FAM107A: variants seen among roughly 807,000 people sequenced by gnomAD.
FAM107A encodes actin-associated protein FAM107A.
FAM107A carries 19 observed loss-of-function variants against 13.7 expected under a neutral mutation model. The ratio of observed to expected loss-of-function variants is 1.38; its 90% CI spans 0.97 to 2.03. FAM107A has a LOEUF of 2.03. Ranked by LOEUF, FAM107A falls within the 30% of genes most tolerant of loss-of-function variation. The pLI, the probability that FAM107A is intolerant of heterozygous loss-of-function variation, is 0.00. For missense variants in FAM107A, 203 were observed against 184.4 expected (o/e 1.10, Z -0.58); for synonymous variants, 82 against 74.5 (o/e 1.10, Z -0.52).
chr3:58,597,199 T>C (rs1408685820), intron 1 of FAM107A, among the ~76,000 whole-genome samples: 1 of 152,270 alleles, frequency 6.6e-6, no homozygotes, highest in Non-Finnish European at 1.5e-5. Flanking sequence ...TGCTCATTTC[T>C]GTTGGGCAGA....
rs1313782440 is a variant in FAM107A, at chr3:58,604,198, G to C, written c.-69-14929C>G. Reference sequence around the variant, plus strand: ...CTCTCGGTGGAGCTGGTTGCTAGGAGACATTTCTCAAGAAAGGTTCCTTTG... The same window carrying C: ...CTCTCGGTGGAGCTGGTTGCTAGGACACATTTCTCAAGAAAGGTTCCTTTG... On this transcript the variant is annotated intron_variant, in intron 1 of 3. Coordinates refer to the FAM107A transcript ENST00000465970. The surrounding 1 kb of genome is among the most constrained non-coding windows in gnomAD (Gnocchi z 4.1). Among the ~76,000 whole-genome samples, 1 of 138,254 alleles carries C rather than the reference G, an allele frequency of 7.2e-6. No individual in the cohort carries two copies. The highest frequency in any genetic ancestry group is 2.4e-4 in the South Asian group (1 of 4,084). 90.7% of individuals were successfully genotyped at this position (138,254 alleles called of 152,430 possible).
chr3:58,606,337 C>G (rs192343880), intron 1 of FAM107A, among the ~76,000 whole-genome samples: 3 of 152,326 alleles, frequency 2.0e-5, no homozygotes, highest in South Asian at 2.1e-4. Flanking sequence ...CTCAAGTGAT[C>G]CACCTGCCTT....
rs760202284 is a variant in FAM107A at position 58,604,228 on chromosome 3, A to G, written c.-69-14959T>C. On this transcript the variant is annotated intron_variant, in intron 1 of 3. Coordinates refer to the FAM107A transcript ENST00000465970. The surrounding 1 kb of genome is among the most constrained non-coding windows in gnomAD (Gnocchi z 4.1). ...TTCTCAAGAAAGGTTCCTTTGGAAA[A>G]TGAGCTCAGTCTCTGCCCACAATTC... 1.1e-3 allele frequency among the ~76,000 whole-genome samples: 172 copies of G among 151,926 alleles called. No homozygotes were observed. The highest frequency in any genetic ancestry group is 1.6e-3 in the Non-Finnish European group (111 of 67,992).
rs369798829 is a variant in FAM107A, at chr3:58,615,499, T to C, written c.-70+11917A>G. Among the ~76,000 whole-genome samples the C allele has an allele frequency of 3.9e-5, 6 of 152,330 alleles. No homozygotes were observed. In the South Asian group the frequency reaches 1.2e-3, roughly 32 times the overall value. On this transcript the variant is annotated intron_variant, in intron 1 of 3. Transcript: ENST00000465970. ...CAACATGCTGATGGGGAAAGCTAGA[T>C]TTGAGACAGTTAAATAACCAAAGAA...
At chr3:58,575,072 G>A (rs538709062) in intron 1 of FAM107A, among the ~76,000 whole-genome samples, 1 of 152,232 alleles carries the variant, frequency 6.6e-6, no homozygotes, top group Non-Finnish European at 1.5e-5. Flanking sequence ...TAAGGCCTCA[G>A]TGTCCCTTCC....
In FAM107A at chr3:58,567,255, A is replaced by G; in HGVS notation, c.280T>C (p.Cys94Arg). The change falls in exon 3 of 4, where the codon TGC (cysteine) becomes CGC (arginine). Residue 94 changes from cysteine to arginine, a missense_variant. Coordinates refer to ENST00000360997, the MANE Select transcript of FAM107A (RefSeq NM_001076778.3). The part of the protein sequence containing the change: ...KEELEAKRLQ[C>R]PFEQELLRRQ... ...CTCAGCAGCTCCTGCTCAAAGGGGC[A>G]CTGCAGCCGCTTGGCTTCCAGCTCC... 6.2e-7 allele frequency: 1 copy of G among 1,614,158 alleles called. No individual in the cohort carries two copies. The highest frequency in any genetic ancestry group is 1.3e-5 in the African/African-American group (1 of 75,054).
intron 1 of FAM107A, among the ~76,000 whole-genome samples, chr3:58,608,658 C>T (rs1163963858): frequency 6.6e-6 from 1 of 152,136 alleles, no homozygotes; most frequent in Non-Finnish European, 1.5e-5. Flanking sequence ...CCACAACATC[C>T]AAACTTGGCC....
At chr3:58,566,821 G>T in intron 3 of FAM107A, 126 bp from the exon 4 acceptor site, 1 of 721,944 alleles carries the variant, frequency 1.4e-6, no homozygotes, top group East Asian at 2.5e-5. Context: ...GATGAGTTTT[G>T]CTATCAGCCT....
upstream of FAM107A, among the ~76,000 whole-genome samples, chr3:58,578,879 T>A (rs954897815): frequency 3.3e-5 from 5 of 152,224 alleles, no homozygotes; most frequent in Non-Finnish European, 7.3e-5. Flanking sequence ...CAAGGCAACC[T>A]TGTGTCTTCT....
chr3:58,626,099 C>T (rs1170193443), intron 1 of FAM107A, among the ~76,000 whole-genome samples: 2 of 152,282 alleles, frequency 1.3e-5, no homozygotes, highest in East Asian at 3.9e-4. Flanking sequence ...ATCTGGGACA[C>T]GGCAGCCTGT....
At chr3:58,579,916 A>G (rs2065512055), upstream of FAM107A, among the ~76,000 whole-genome samples, 1 of 152,244 alleles carries the variant, frequency 6.6e-6, no homozygotes, top group Non-Finnish European at 1.5e-5. Context: ...TGCTAGCCCC[A>G]GGGCAGGTAC....
chr3:58,606,009 A>G (rs1378464993), intron 1 of FAM107A, among the ~76,000 whole-genome samples: 1 of 152,164 alleles, frequency 6.6e-6, no homozygotes, highest in Non-Finnish European at 1.5e-5. Flanking sequence ...TCCCAACTCC[A>G]CTGTATACCT....
intron 1 of FAM107A, among the ~76,000 whole-genome samples, chr3:58,595,527 C>T (rs977355390): frequency 9.2e-5 from 14 of 151,946 alleles, no homozygotes; most frequent in Non-Finnish European, 1.5e-5. Context: ...ATAGTCTCCC[C>T]GCCCTTGAGA....
intron 1 of FAM107A, among the ~76,000 whole-genome samples, chr3:58,603,484 G>T (rs2065768893): frequency 6.6e-6 from 1 of 152,170 alleles, no homozygotes; most frequent in Admixed American, 6.5e-5. Flanking sequence ...ACCTTTAAAA[G>T]TGTAAGGGAG....
At chr3:58,584,794 C>T (rs1296096740) in intron 1 of FAM107A, among the ~76,000 whole-genome samples, 2 of 152,194 alleles carry the variant, frequency 1.3e-5, no homozygotes, top group Admixed American at 1.3e-4. Context: ...CTACATAGGA[C>T]GTACACCAAG....
intron 1 of FAM107A, among the ~76,000 whole-genome samples, chr3:58,598,465 G>C (rs1169111092): frequency 6.6e-6 from 1 of 152,178 alleles, no homozygotes; most frequent in East Asian, 1.9e-4. Context: ...CTGCCTTCCT[G>C]GAACTCAAGC....
chr3:58,586,659 C>T (rs1220351750), intron 1 of FAM107A, among the ~76,000 whole-genome samples: 1 of 152,190 alleles, frequency 6.6e-6, no homozygotes, highest in African/African-American at 2.4e-5. Flanking sequence ...GATTGCACCA[C>T]TGCACTCCAG....
upstream of FAM107A, among the ~76,000 whole-genome samples, chr3:58,591,944 G>C (rs746096976): frequency 6.6e-6 from 1 of 152,204 alleles, no homozygotes; most frequent in Non-Finnish European, 1.5e-5. This position sits in a 1 kb window ranked among gnomAD's most constrained non-coding sequence, Gnocchi z 4.3. Context: ...GTATGGGAAA[G>C]TGGGTAATTC....
At chr3:58,586,237 T>C (rs2065604490) in intron 1 of FAM107A, among the ~76,000 whole-genome samples, 1 of 152,196 alleles carries the variant, frequency 6.6e-6, no homozygotes, top group African/African-American at 2.4e-5. Flanking sequence ...ACAGCCGCCT[T>C]CAGGCACTTG....
Sources: gnomAD v4.1 joint callset for allele counts (sites outside exome capture counted in the v4.1 genomes callset) on GRCh38, gnomAD v4.1.1 for gene constraint, Gnocchi (gnomAD v3.1) non-coding constraint, MANE v1.5 for transcripts, NCBI Gene and HGNC (gene_info 2026-07-23, HGNC 2026-07-21) for gene names.